KLHL1: variants seen among roughly 807,000 people sequenced by gnomAD.
KLHL1 encodes kelch-like protein 1.
KLHL1 carries 47 observed loss-of-function variants against 77.7 expected under a neutral mutation model. The ratio of observed to expected loss-of-function variants is 0.60; its 90% confidence interval spans 0.48 to 0.77. KLHL1 has a LOEUF of 0.77. KLHL1 is among the 30% of genes least tolerant of loss of function. The pLI is 0.00. For synonymous variants in KLHL1, 360 were observed against 325.2 expected, an observed-to-expected ratio of 1.11 and a Z score of -1.15; for missense variants, 925 against 910.8, an observed-to-expected ratio of 1.02 and a Z score of -0.20.
At chr13:69,971,243 AT>A (rs1437333023) in intron 2 of KLHL1, among the ~76,000 whole-genome samples, 2 of 152,096 alleles carry the variant, frequency 1.3e-5, no homozygotes, top group African/African-American at 4.8e-5. Context: ...TGATTTGTAA[AT>A]GCAAACTACT....
chr13:69,957,972 T>C (rs1036564637), intron 3 of KLHL1, among the ~76,000 whole-genome samples: 2 of 151,832 alleles, frequency 1.3e-5, no homozygotes, highest in Admixed American at 6.6e-5. Flanking sequence ...TGAACTTATG[T>C]TGTCGTTTAT....
intron 1 of KLHL1, among the ~76,000 whole-genome samples, chr13:70,092,885 A>G (rs566401391): frequency 6.6e-6 from 1 of 152,290 alleles, no homozygotes; most frequent in East Asian, 1.9e-4. Flanking sequence ...TAGAATCTAC[A>G]GTATTGAACA....
intron 4 of KLHL1, among the ~76,000 whole-genome samples, chr13:69,937,670 A>G (rs1883229078): frequency 6.6e-6 from 1 of 152,176 alleles, no homozygotes; most frequent in Non-Finnish European, 1.5e-5. Flanking sequence ...CTCGCAATCA[A>G]AATTCTCCAG....
chr13:69,824,850 G>T, intron 6 of KLHL1, among the ~76,000 whole-genome samples: 1 of 152,032 alleles, frequency 6.6e-6, no homozygotes, highest in East Asian at 1.9e-4. Context: ...TATGCATTGT[G>T]AAAACTCACT....
At chr13:69,821,916 T>C (rs775665480) in intron 6 of KLHL1, among the ~76,000 whole-genome samples, 28 of 152,144 alleles carry the variant, frequency 1.8e-4, no homozygotes, top group Middle Eastern at 3.4e-3. Flanking sequence ...AAACAGTGAC[T>C]AGGCCAGGCC....
At chr13:70,054,404 C>T (rs1183234101) in intron 1 of KLHL1, among the ~76,000 whole-genome samples, 1 of 151,998 alleles carries the variant, frequency 6.6e-6, no homozygotes, top group Non-Finnish European at 1.5e-5. Context: ...TGAGATTCAT[C>T]CTCTGCATGT....
intron 7 of KLHL1, among the ~76,000 whole-genome samples, chr13:69,766,251 A>G (rs1875295541): frequency 6.6e-6 from 1 of 152,134 alleles, no homozygotes; most frequent in Non-Finnish European, 1.5e-5. Context: ...AGGAGGAATT[A>G]ACCCTCAAAG....
intron 1 of KLHL1, among the ~76,000 whole-genome samples, chr13:70,072,666 A>G (rs757510394): frequency 7.2e-5 from 11 of 152,114 alleles, no homozygotes; most frequent in Non-Finnish European, 1.3e-4. Context: ...GAATACATCA[A>G]TCACATCAAC....
At chr13:69,898,811 G>A (rs1259894562) in intron 4 of KLHL1, among the ~76,000 whole-genome samples, 1 of 152,010 alleles carries the variant, frequency 6.6e-6, no homozygotes, top group Non-Finnish European at 1.5e-5. Context: ...TCTATTCAAT[G>A]CCACATGTAG....
chr13:69,740,641 G>A (rs1873951385), intron 7 of KLHL1, 85 bp from the exon 8 acceptor site: 1 of 928,098 alleles, frequency 1.1e-6, no homozygotes, highest in South Asian at 2.4e-5. Context: ...TAGATCTCAT[G>A]TTAAGTGTCC....
chr13:70,037,783 G>A (rs1886275443), intron 1 of KLHL1, among the ~76,000 whole-genome samples: 1 of 151,928 alleles, frequency 6.6e-6, no homozygotes, highest in Non-Finnish European at 1.5e-5. Flanking sequence ...CATTAATTGG[G>A]CTTTCTAACT....
intron 9 of KLHL1, among the ~76,000 whole-genome samples, chr13:69,718,285 A>G (rs1872866063): frequency 6.6e-6 from 1 of 152,126 alleles, no homozygotes; most frequent in African/African-American, 2.4e-5. Flanking sequence ...TTACTGGTTT[A>G]TCATTGTAGT....
chr13:70,100,778 C>G (rs1208861381), intron 1 of KLHL1, among the ~76,000 whole-genome samples: 1 of 152,058 alleles, frequency 6.6e-6, no homozygotes, highest in African/African-American at 2.4e-5. Flanking sequence ...CTTATCTGAC[C>G]TAAATCAATA....
intron 1 of KLHL1, among the ~76,000 whole-genome samples, chr13:70,027,649 G>GTTTT (rs1185282462): frequency 6.4e-5 from 7 of 109,332 alleles, no homozygotes; most frequent in South Asian, 2.8e-4. Flanking sequence ...CAAAATGTAA[G>GTTTT]TTGTTTTTTT....
At chr13:69,878,622 AT>A (rs1880856268) in intron 5 of KLHL1, among the ~76,000 whole-genome samples, 1 of 152,068 alleles carries the variant, frequency 6.6e-6, no homozygotes, top group South Asian at 2.1e-4. Flanking sequence ...ATGTTACACT[AT>A]ATGTAACATT....
chr13:69,706,637 A>C (rs1466256862), intron 10 of KLHL1, among the ~76,000 whole-genome samples: 1 of 151,964 alleles, frequency 6.6e-6, no homozygotes, highest in Non-Finnish European at 1.5e-5. Context: ...TTAGAGCTGC[A>C]CTGCACTCCT....
intron 1 of KLHL1, among the ~76,000 whole-genome samples, chr13:70,076,064 T>C (rs936617236): frequency 6.6e-6 from 1 of 151,918 alleles, no homozygotes; most frequent in Non-Finnish European, 1.5e-5. Flanking sequence ...TCTCCCAAAC[T>C]TGATCTGTAA....
At chr13:70,045,572 C>A (rs1347940756) in intron 1 of KLHL1, among the ~76,000 whole-genome samples, 1 of 131,938 alleles carries the variant, frequency 7.6e-6, no homozygotes, top group African/African-American at 2.6e-5. Context: ...TTAAAAAACA[C>A]ACAACACACA....
At chr13:69,713,973 G>T (rs992327855) in intron 9 of KLHL1, among the ~76,000 whole-genome samples, 1 of 151,918 alleles carries the variant, frequency 6.6e-6, no homozygotes. Context: ...ATATATTCAG[G>T]GTGTTTCAGG....
Sources: gnomAD v4.1 joint callset for allele counts (sites outside exome capture counted in the v4.1 genomes callset) on GRCh38, gnomAD v4.1.1 for gene constraint, MANE v1.5 for transcripts, NCBI Gene and HGNC (gene_info 2026-07-23, HGNC 2026-07-21) for gene names.